Variants in SCGB1D4 observed in about 807,000 individuals in gnomAD.
SCGB1D4 encodes the protein IFN-gamma inducible SCGB (IIS).
Under a neutral mutation model 8.1 loss-of-function variants are expected in SCGB1D4, and 6 were observed. The observed-to-expected ratio is 0.74, with a 90% confidence interval of 0.40 to 1.45. The LOEUF (loss-of-function observed/expected upper bound fraction) is 1.45, where lower values mean the gene tolerates loss of function less well. Ranked by LOEUF, SCGB1D4 falls within the 40% of genes most tolerant of loss-of-function variation. SCGB1D4 has a pLI of 0.02. For synonymous variants in SCGB1D4, 34 were observed against 38.1 expected, an observed-to-expected ratio of 0.89 and a Z score of 0.39; for missense variants, 93 against 95.0, an observed-to-expected ratio of 0.98 and a Z score of 0.09.
chr11:62,297,261 C>T (rs1469116294), intron 2 of SCGB1D4, among the ~76,000 whole-genome samples: 1 of 152,190 alleles, frequency 6.6e-6, no homozygotes, highest in Non-Finnish European at 1.5e-5. Context: ...GTGTCCACTG[C>T]GTGAGGGTAG....
rs149471589 is a variant in SCGB1D4, at chr11:62,296,887, C to G, written c.243-468G>C. On this transcript the variant is annotated intron_variant, in intron 2 of 2. Coordinates refer to ENST00000358585, the MANE Select transcript of SCGB1D4 (RefSeq NM_206998.2). ...GCCAGGGGTCTTATCAGCCCTGACC[C>G]TGCAGCTTCTATGGGTATTTGCAGC... Among the ~76,000 whole-genome samples the G allele has an allele frequency of 1.1e-4, 16 of 152,348 alleles. No homozygotes were observed. In the East Asian group the frequency reaches 3.1e-3, roughly 29 times the overall value.
Position 62,296,323 on chromosome 11 carries a change from A to G in SCGB1D4, c.*87T>C. On this transcript the variant is annotated 3_prime_UTR_variant, in exon 3 of 3. Transcript: ENST00000358585. ...ATTAAAGCAACGTGTTGAAACCTTT[A>G]CAATTTTTAGTGAAGATCAGGGTGT... is the stretch of plus-strand genomic sequence containing the variant. 1 of 1,200,736 alleles carries G rather than the reference A, an allele frequency of 8.3e-7. No homozygotes were observed. Among genetic ancestry groups the G allele is most frequent in the Non-Finnish European group, 1.2e-6 (1 of 805,614 alleles). The allele number at this position is 1,200,736 out of a possible 1,614,324, so 74.4% of individuals were successfully genotyped here.
intron 1 of SCGB1D4, among the ~76,000 whole-genome samples, chr11:62,298,490 A>C (rs1945462353): frequency 6.6e-6 from 1 of 152,172 alleles, no homozygotes; most frequent in African/African-American, 2.4e-5. Context: ...CAGGCGCAGT[A>C]GCTCATGCCT....
intron 2 of SCGB1D4, 52 bp downstream of exon 2, chr11:62,297,420 C>T (rs1380181397): frequency 6.7e-6 from 9 of 1,350,030 alleles, no homozygotes; most frequent in Admixed American, 1.8e-5. Context: ...ATGCAGGAGG[C>T]TGTGTGCAGC....
In SCGB1D4 at chr11:62,297,387, A is replaced by C. The variant is rs530041771; in HGVS notation, c.242+85T>G. 26 of 1,070,482 alleles carry C rather than the reference A, an allele frequency of 2.4e-5. No individual in the cohort carries two copies. In the South Asian group the frequency reaches 3.2e-4, roughly 13 times the overall value. The allele number at this position is 1,070,482 out of a possible 1,614,324, so 66.3% of individuals were successfully genotyped here. ...AGCACACTCTGGGGACACAGCATCC[A>C]GGCAGGTGACCTGACAAGAAACATG... On this transcript the variant is annotated intron_variant, in intron 2 of 2. Coordinates refer to ENST00000358585, the MANE Select transcript of SCGB1D4 (RefSeq NM_206998.2).
Position 62,297,610 on chromosome 11 carries a change from A to G in SCGB1D4, c.104T>C (p.Leu35Ser), listed in dbSNP as rs1469904081. The G allele has an allele frequency of 6.2e-7, 1 of 1,614,012 alleles. No homozygotes were observed. The highest frequency in any genetic ancestry group is 1.3e-5 in the African/African-American group (1 of 74,928). Residue 35 changes from leucine (L) to serine (S), a missense_variant, in exon 2 of 3, where the codon TTA becomes TCA. Transcript: ENST00000358585. ...GTTTACCGCAGCGTCACTTAAGAAT[A>G]AGAAGACTGTGATCTCAGAAGCAAC... The part of the protein sequence containing the change: ...PAVASEITVF[L>S]FLSDAAVNLQ...
At chr11:62,298,612 G>A (rs1341592085) in intron 1 of SCGB1D4, among the ~76,000 whole-genome samples, 1 of 151,892 alleles carries the variant, frequency 6.6e-6, no homozygotes, top group Non-Finnish European at 1.5e-5. Flanking sequence ...TACAAAATTA[G>A]CCAGCTGTGG....
At chr11:62,297,944 C>G (rs1945456020) in intron 1 of SCGB1D4, among the ~76,000 whole-genome samples, 1 of 151,790 alleles carries the variant, frequency 6.6e-6, no homozygotes, top group Non-Finnish European at 1.5e-5. Context: ...ATGTCTTGGG[C>G]TCAAGCGATC....
At chr11:62,297,156 A>G (rs148602720) in intron 2 of SCGB1D4, among the ~76,000 whole-genome samples, 13 of 152,296 alleles carry the variant, frequency 8.5e-5, no homozygotes, top group African/African-American at 2.9e-4. Flanking sequence ...CCAGTTCACC[A>G]GCACCCTGTC....
intron 1 of SCGB1D4, 86 bp from the exon 2 acceptor site, chr11:62,297,744 C>T (rs1009327641): frequency 9.1e-7 from 1 of 1,098,332 alleles, no homozygotes; most frequent in Non-Finnish European, 1.3e-6. Context: ...AGACAGGATC[C>T]CCTGGGTTCT....
intron 1 of SCGB1D4, among the ~76,000 whole-genome samples, chr11:62,298,010 TTGTGTGTGTGTGTGTGTGTG>T (rs71458409): frequency 8.6e-6 from 1 of 116,234 alleles, no homozygotes; most frequent in South Asian, 3.1e-4. Flanking sequence ...ATGCCCGCTT[TTGTGTGTGTGTGTGTGTGTG>T]TGTGTGTGTG....
At position 62,296,325 on chromosome 11, in the gene SCGB1D4, A is replaced by T; in HGVS notation, c.*85T>A. 8.2e-7 allele frequency: 1 copy of T among 1,226,772 alleles called. No individual in the cohort carries two copies. Among genetic ancestry groups the T allele is most frequent in the Non-Finnish European group, 1.2e-6 (1 of 829,174 alleles). 76.0% of individuals were successfully genotyped at this position (1,226,772 alleles called of 1,614,324 possible). A position where few individuals can be genotyped will look rare whatever the true frequency, so the allele number is the denominator to read the frequency against. On this transcript the variant is annotated 3_prime_UTR_variant, in exon 3 of 3. Transcript: ENST00000358585. ...TAAAGCAACGTGTTGAAACCTTTACAATTTTTAGTGAAGATCAGGGTGTCG... is the reference window on the plus strand; with the variant it reads ...TAAAGCAACGTGTTGAAACCTTTACTATTTTTAGTGAAGATCAGGGTGTCG...
chr11:62,297,137 C>T (rs1945446783), intron 2 of SCGB1D4, among the ~76,000 whole-genome samples: 1 of 152,168 alleles, frequency 6.6e-6, no homozygotes, highest in South Asian at 2.1e-4. Context: ...GCAGAAGCTG[C>T]ACAGGAGCCC....
rs1468519639 is a variant in SCGB1D4 at position 62,298,044 on chromosome 11, G to GTTT, written c.56-387_56-386insAAA. ...TGTGTGTGTGTGTGTGTGTGTGTGT[G>GTTT]TGTTTTGTTTTGTTTTTTTTTTTTG... On this transcript the variant is annotated intron_variant, in intron 1 of 2. Transcript: ENST00000358585. Among the ~76,000 whole-genome samples the GTTT allele has an allele frequency of 9.9e-5, 11 of 111,192 alleles. 2 individuals are homozygous for GTTT. The highest frequency in any genetic ancestry group is 7.2e-5 in the Non-Finnish European group (4 of 55,366). 72.9% of individuals were successfully genotyped at this position (111,192 alleles called of 152,430 possible). A position where few individuals can be genotyped will look rare whatever the true frequency, so the allele number is the denominator to read the frequency against.
In SCGB1D4 at chr11:62,298,985, A is replaced by G; in HGVS notation, c.26T>C (p.Met9Thr). The G allele has an allele frequency of 6.2e-7, 1 of 1,614,028 alleles. No individual in the cohort carries two copies. The highest frequency in any genetic ancestry group is 8.5e-7 in the Non-Finnish European group (1 of 1,179,954). MRLSVCLL[M>T]VSLALCCYQA... ...GTAGCAGCAAAGGGCCAGCGAGACC[A>G]TCAGGAGACACACTGACAGCCTCAT... Residue 9 changes from methionine (M) to threonine (T), a missense_variant, in exon 1 of 3, where the codon ATG (methionine) becomes ACG (threonine). Met to Thr is a moderately conservative substitution (Grantham distance 81). Coordinates refer to ENST00000358585, the MANE Select transcript of SCGB1D4 (RefSeq NM_206998.2).
At chr11:62,298,056 G>GTT (rs1264249050) in intron 1 of SCGB1D4, among the ~76,000 whole-genome samples, 3 of 126,554 alleles carry the variant, frequency 2.4e-5, no homozygotes, top group African/African-American at 9.1e-5. Flanking sequence ...GTTTTGTTTT[G>GTT]TTTTTTTTTT....
intron 2 of SCGB1D4, among the ~76,000 whole-genome samples, chr11:62,296,883 G>A (rs1164484851): frequency 6.6e-6 from 1 of 152,206 alleles, no homozygotes; most frequent in Admixed American, 6.5e-5. Flanking sequence ...TATCAGCCCT[G>A]ACCCTGCAGC....
intron 1 of SCGB1D4, 121 bp downstream of exon 1, chr11:62,298,815 TTATTCAACAAGCACAGAAAA>T: frequency 1.7e-6 from 1 of 598,760 alleles, no homozygotes; most frequent in Non-Finnish European, 2.7e-6. Context: ...TTTATGAATC[TTATTCAACAAGCACAGAAAA>T]GGGTTTGGAA....
At position 62,296,775 on chromosome 11, in the gene SCGB1D4, TC is replaced by T. The variant is rs545083510; in HGVS notation, c.243-357del. Among the ~76,000 whole-genome samples, 691 of 152,278 alleles carry T rather than the reference TC, an allele frequency of 4.5e-3. 6 individuals carry two copies. The highest frequency in any genetic ancestry group is 5.6e-3 in the Non-Finnish European group (380 of 68,016). Reference sequence around the variant, plus strand: ...ATCCCTGTAATGGGGGACCCAGGGCTCTGAAGCCAGGCAGGGCAGGGAGGGC... The same window carrying T: ...ATCCCTGTAATGGGGGACCCAGGGCTTGAAGCCAGGCAGGGCAGGGAGGGC... On this transcript the variant is annotated intron_variant, in intron 2 of 2. Coordinates refer to ENST00000358585, the MANE Select transcript of SCGB1D4 (RefSeq NM_206998.2).
Sources: gnomAD v4.1 joint callset for allele counts (sites outside exome capture counted in the v4.1 genomes callset) on GRCh38, gnomAD v4.1.1 for gene constraint, MANE v1.5 for transcripts, NCBI Gene and HGNC (gene_info 2026-07-23, HGNC 2026-07-21) for gene names.